The following ARID1B variants were observed in gnomAD, a reference collection of about 807,000 sequenced individuals.
ARID1B encodes the protein AT-rich interactive domain-containing protein 1B.
ARID1B carries 30 observed loss-of-function variants against 212.3 expected under a neutral mutation model. The ratio of observed to expected loss-of-function variants is 0.14; its 90% CI spans 0.11 to 0.19. The LOEUF is 0.19. Among genes scored for constraint, ARID1B ranks in the 10% least tolerant of loss-of-function variants. ARID1B has a pLI of 1.00. For synonymous variants in ARID1B, 1,402 were observed against 1,301.7 expected (o/e 1.08, Z -1.66); for missense variants, 2,891 against 3,204.0 (o/e 0.90, Z 2.36).
At chr6:157,078,647 A>T (rs563016542) in intron 4 of ARID1B, among the ~76,000 whole-genome samples, 11 of 152,218 alleles carry the variant, frequency 7.2e-5, no homozygotes, top group Admixed American at 2.0e-4. Flanking sequence ...GGATGGCAAC[A>T]TGTTCCATAT....
intron 4 of ARID1B, chr6:156,936,798 G>A (rs1792270219): frequency 6.6e-6 from 1 of 152,032 alleles, no homozygotes; most frequent in South Asian, 2.1e-4. Flanking sequence ...GATTTTAATT[G>A]GAATTTCAAC....
At chr6:157,189,221 G>GTC (rs1793187557) in intron 13 of ARID1B, among the ~76,000 whole-genome samples, 4 of 152,186 alleles carry the variant, frequency 2.6e-5, no homozygotes, top group Admixed American at 2.6e-4. Flanking sequence ...AATTCATCGA[G>GTC]TTGATGCACA....
rs1444111220 is a variant in ARID1B, at chr6:157,021,783, G to T, written c.2248-62879G>T. Among the ~76,000 whole-genome samples, 3 of 152,012 alleles carry T rather than the reference G, an allele frequency of 2.0e-5. No homozygotes were observed. In the East Asian group the frequency reaches 5.8e-4, roughly 29 times the overall value. On this transcript the variant is annotated intron_variant, in intron 4 of 19. Coordinates refer to ENST00000636930, the MANE Select transcript of ARID1B (RefSeq NM_001374828.1). ...GAGGCGGCGGCCGCTCGCACAGCGT[G>T]TTTTCTAAAGTTTCTGCTGACACAG...
chr6:156,813,738 T>C (rs985790560), intron 1 of ARID1B, among the ~76,000 whole-genome samples: 38 of 152,226 alleles, frequency 2.5e-4, no homozygotes, highest in African/African-American at 8.4e-4. Flanking sequence ...GGAGTGACCC[T>C]AGACATATAT....
chr6:157,038,552 C>G (rs1321527240), intron 4 of ARID1B, among the ~76,000 whole-genome samples: 1 of 152,016 alleles, frequency 6.6e-6, no homozygotes, highest in African/African-American at 2.4e-5. Context: ...TGATACAACT[C>G]AAGTTTATAA....
intron 7 of ARID1B, among the ~76,000 whole-genome samples, chr6:157,139,367 C>G (rs1257649519): frequency 6.6e-6 from 1 of 152,218 alleles, no homozygotes; most frequent in Non-Finnish European, 1.5e-5. Flanking sequence ...GTCCATCGCT[C>G]TTCCATTTAT....
intron 3 of ARID1B, among the ~76,000 whole-genome samples, chr6:156,911,025 T>G (rs917009922): frequency 6.6e-6 from 1 of 152,216 alleles, no homozygotes; most frequent in Admixed American, 6.5e-5. Flanking sequence ...GCATACTACT[T>G]TAGAAGACTT....
intron 13 of ARID1B, among the ~76,000 whole-genome samples, chr6:157,187,855 A>G (rs1793084735): frequency 6.6e-6 from 1 of 151,868 alleles, no homozygotes; most frequent in Non-Finnish European, 1.5e-5. Context: ...TCTGAAATCA[A>G]GCCTTGCAAG....
At chr6:156,930,958 A>G (rs929407839) in intron 3 of ARID1B, among the ~76,000 whole-genome samples, 3 of 152,214 alleles carry the variant, frequency 2.0e-5, no homozygotes, top group Non-Finnish European at 2.9e-5. Flanking sequence ...TGGGAGGCCA[A>G]GGCGGGCAGT....
chr6:156,902,796 T>C (rs1789057520), intron 3 of ARID1B, among the ~76,000 whole-genome samples: 2 of 150,362 alleles, frequency 1.3e-5, no homozygotes, highest in South Asian at 4.2e-4. Context: ...AGTAGGAATG[T>C]ACATCATTTC....
chr6:156,831,843 C>G (rs1385256427), intron 2 of ARID1B, among the ~76,000 whole-genome samples: 1 of 152,166 alleles, frequency 6.6e-6, no homozygotes, highest in Non-Finnish European at 1.5e-5. Flanking sequence ...TAATTAAGCA[C>G]AGATCTTTCT....
At chr6:156,837,442 A>G (rs1406583635) in intron 2 of ARID1B, among the ~76,000 whole-genome samples, 3 of 152,206 alleles carry the variant, frequency 2.0e-5, no homozygotes, top group Non-Finnish European at 2.9e-5. Flanking sequence ...TGTTCTGTGC[A>G]TTACCTTAAC....
chr6:156,819,787 C>G (rs918650632), intron 1 of ARID1B, among the ~76,000 whole-genome samples: 5 of 152,162 alleles, frequency 3.3e-5, no homozygotes, highest in African/African-American at 1.2e-4. Flanking sequence ...GCCTGGAGTT[C>G]AGGGAGGGCT....
At chr6:156,890,962 AGG>A (rs1359676808) in intron 2 of ARID1B, among the ~76,000 whole-genome samples, 1 of 152,156 alleles carries the variant, frequency 6.6e-6, no homozygotes, top group African/African-American at 2.4e-5. Context: ...AATAAGAAAG[AGG>A]GGAGGAAAAG....
At chr6:157,056,853 TTTTTTTGTTAAAACTTTTCTTC>T (rs1265205012) in intron 4 of ARID1B, among the ~76,000 whole-genome samples, 1 of 78,342 alleles carries the variant, frequency 1.3e-5, no homozygotes, top group Non-Finnish European at 3.2e-5. Context: ...TTTTTTTAAC[TTTTTTTGTTAAAACTTTTCTTC>T]TTTTTTTGTT....
intron 1 of ARID1B, among the ~76,000 whole-genome samples, chr6:156,810,404 G>A (rs1254107152): frequency 1.3e-5 from 2 of 152,174 alleles, no homozygotes; most frequent in African/African-American, 4.8e-5. Flanking sequence ...AGGCCTGGGA[G>A]GTTGAGGAAC....
chr6:156,963,625 C>T (rs1794548376), intron 4 of ARID1B, among the ~76,000 whole-genome samples: 2 of 152,046 alleles, frequency 1.3e-5, no homozygotes, highest in African/African-American at 2.4e-5. Flanking sequence ...GATACTTAAG[C>T]GTTTAAAAAA....
chr6:156,876,534 C>G (rs1454412110), intron 2 of ARID1B, among the ~76,000 whole-genome samples: 2 of 152,176 alleles, frequency 1.3e-5, no homozygotes, highest in African/African-American at 4.8e-5. Flanking sequence ...GTTTCTTTTC[C>G]CCAGTCCACC....
chr6:156,866,685 G>A (rs1177344578), intron 2 of ARID1B, among the ~76,000 whole-genome samples: 1 of 152,144 alleles, frequency 6.6e-6, no homozygotes, highest in African/African-American at 2.4e-5. Flanking sequence ...GTTTACATTT[G>A]TGGGTCTGAC....
Sources: gnomAD v4.1 joint callset for allele counts (sites outside exome capture counted in the v4.1 genomes callset) on GRCh38, gnomAD v4.1.1 for gene constraint, MANE v1.5 for transcripts, NCBI Gene and HGNC (gene_info 2026-07-23, HGNC 2026-07-21) for gene names.